SH2D1B: variants seen among roughly 807,000 people sequenced by gnomAD.
SH2D1B encodes SH2 domain-containing protein 1B.
A neutral mutation model predicts 16.3 loss-of-function variants in SH2D1B; 11 were observed. The observed-to-expected ratio is 0.67, with a 90% CI of 0.42 to 1.11. SH2D1B has a LOEUF of 1.11. Ranked by LOEUF, SH2D1B falls within the 50% of genes most tolerant of loss-of-function variation. The pLI is 0.00. For synonymous variants in SH2D1B, 55 were observed against 56.1 expected, an observed-to-expected ratio of 0.98 and a Z score of 0.09; for missense variants, 123 against 153.1, an observed-to-expected ratio of 0.80 and a Z score of 1.04.
chr1:162,405,810 G>C (rs1378643489), intron 1 of SH2D1B, among the ~76,000 whole-genome samples: 4 of 152,234 alleles, frequency 2.6e-5, no homozygotes, highest in African/African-American at 9.6e-5. Flanking sequence ...TCTTTGAATT[G>C]TTTTACTCTA....
intron 1 of SH2D1B, among the ~76,000 whole-genome samples, chr1:162,407,160 A>G (rs1648671447): frequency 6.6e-6 from 1 of 152,222 alleles, no homozygotes; most frequent in Admixed American, 6.5e-5. Context: ...TATCGGGGGA[A>G]CCAGCCCCCA....
At chr1:162,399,529 T>C (rs1225030011) in intron 2 of SH2D1B, among the ~76,000 whole-genome samples, 1 of 152,204 alleles carries the variant, frequency 6.6e-6, no homozygotes, top group African/African-American at 2.4e-5. Context: ...CAGGGGTACA[T>C]GTGCAGGATG....
Position 162,397,200 on chromosome 1 carries a change from G to C in SH2D1B, c.*80C>G. On this transcript the variant is annotated 3_prime_UTR_variant, in exon 4 of 4. Transcript: ENST00000367929. ...ATTGTCCACTAGAGTTTGGTGCTCT[G>C]GACCTATGCCTGCAGAAGTGGGTCA... is the stretch of plus-strand genomic sequence containing the variant. 1 of 1,500,122 alleles carries C rather than the reference G, an allele frequency of 6.7e-7. No homozygotes were observed. Among genetic ancestry groups the C allele is most frequent in the Admixed American group, 1.7e-5 (1 of 59,644 alleles). The allele number at this position is 1,500,122 out of a possible 1,614,324, so 92.9% of individuals were successfully genotyped here. A position where few individuals can be genotyped will look rare whatever the true frequency, so the allele number is the denominator to read the frequency against.
At chr1:162,399,264 T>C (rs150256305) in intron 2 of SH2D1B, among the ~76,000 whole-genome samples, 177 bp from the exon 3 acceptor site, 1 of 152,222 alleles carries the variant, frequency 6.6e-6, no homozygotes, top group East Asian at 1.9e-4. Context: ...AAGACCAACC[T>C]CTGACTTGAG....
At chr1:162,406,534 A>T (rs901482828) in intron 1 of SH2D1B, among the ~76,000 whole-genome samples, 6 of 152,192 alleles carry the variant, frequency 3.9e-5, no homozygotes, top group Admixed American at 3.9e-4. Context: ...CCAAAATATT[A>T]AAAATGGTGA....
intron 1 of SH2D1B, among the ~76,000 whole-genome samples, chr1:162,404,754 T>TTCA (rs1423426145): frequency 6.6e-6 from 1 of 152,234 alleles, no homozygotes; most frequent in East Asian, 1.9e-4. Context: ...GAGATACCAC[T>TTCA]ACACACTTAT....
chr1:162,407,999 C>T (rs1248461679), intron 1 of SH2D1B, among the ~76,000 whole-genome samples: 1 of 152,060 alleles, frequency 6.6e-6, no homozygotes, highest in Non-Finnish European at 1.5e-5. Flanking sequence ...TTTTTGCTGT[C>T]AGCTCTACAG....
At chr1:162,402,661 C>T (rs1648547440) in intron 2 of SH2D1B, 78 bp downstream of exon 2, 4 of 1,216,816 alleles carry the variant, frequency 3.3e-6, no homozygotes, top group Non-Finnish European at 4.9e-6. Flanking sequence ...ACAGTCATGG[C>T]TCAGGTAAAA....
chr1:162,409,657 C>A (rs1245981835), intron 1 of SH2D1B, among the ~76,000 whole-genome samples: 3 of 152,150 alleles, frequency 2.0e-5, no homozygotes, highest in Non-Finnish European at 2.9e-5. Context: ...CGGCTCACTG[C>A]AACCTCTGCC....
intron 1 of SH2D1B, among the ~76,000 whole-genome samples, chr1:162,411,244 C>T (rs1176824110): frequency 6.6e-6 from 1 of 152,188 alleles, no homozygotes; most frequent in Non-Finnish European, 1.5e-5. Context: ...GCATGAGCCA[C>T]CATGCCCAGC....
chr1:162,405,393 A>G (rs1350297404), intron 1 of SH2D1B, among the ~76,000 whole-genome samples: 1 of 152,244 alleles, frequency 6.6e-6, no homozygotes, highest in Non-Finnish European at 1.5e-5. Context: ...AAAATCCATC[A>G]AATTGTACAC....
At position 162,399,070 on chromosome 1, in the gene SH2D1B, T is replaced by C. The variant is rs973217122; in HGVS notation, c.216A>G (p.Pro72=). ...YYRIQTAEGS[P]KQVFPSLKEL... ...CCTTTAGGCTTGGAAAGACCTGTTT[T>C]GGAGAACCTTCTGCAGTCTGCAAAA... Residue 72 remains proline (P), a synonymous_variant, in exon 3 of 4, where the codon CCA becomes CCG. Coordinates refer to ENST00000367929, the MANE Select transcript of SH2D1B (RefSeq NM_053282.5). 3 of 1,612,474 alleles carry C rather than the reference T, an allele frequency of 1.9e-6. No individual in the cohort carries two copies. In the East Asian group the frequency reaches 6.7e-5, roughly 36 times the overall value.
intron 1 of SH2D1B, among the ~76,000 whole-genome samples, chr1:162,408,356 T>C (rs1429839293): frequency 6.6e-6 from 1 of 151,960 alleles, no homozygotes; most frequent in Non-Finnish European, 1.5e-5. Flanking sequence ...TAACAAATAT[T>C]TATTTTTGCC....
At chr1:162,407,238 G>A (rs1368123896) in intron 1 of SH2D1B, among the ~76,000 whole-genome samples, 1 of 152,180 alleles carries the variant, frequency 6.6e-6, no homozygotes, top group Non-Finnish European at 1.5e-5. Flanking sequence ...AAGGGAAAGA[G>A]TACAAAACAG....
chr1:162,402,649 GCA>G (rs1285251911), intron 2 of SH2D1B, 88 bp downstream of exon 2: 4 of 1,080,002 alleles, frequency 3.7e-6, no homozygotes, highest in Non-Finnish European at 4.2e-6. Context: ...GAATGCTTTC[GCA>G]CAGTCATGGC....
Position 162,411,802 on chromosome 1 carries a change from G to T in SH2D1B, c.134+81C>A, listed in dbSNP as rs1436564721. The T allele has an allele frequency of 5.1e-6, 8 of 1,568,446 alleles. No homozygotes were observed. In the African/African-American group the frequency reaches 5.4e-5, roughly 11 times the overall value. ...CCAAAGTCAGAGTGAAATACTGAGG[G>T]ATATGAATTCCTGTACTGTGTGGCA... On this transcript the variant is annotated intron_variant, in intron 1 of 3. Coordinates refer to ENST00000367929, the MANE Select transcript of SH2D1B (RefSeq NM_053282.5).
intron 3 of SH2D1B, among the ~76,000 whole-genome samples, chr1:162,398,618 C>G (rs926576142): frequency 6.6e-6 from 1 of 152,116 alleles, no homozygotes; most frequent in Non-Finnish European, 1.5e-5. Context: ...GAAAATCTGC[C>G]CATTTGCCCA....
At chr1:162,410,875 C>T (rs1316114569) in intron 1 of SH2D1B, among the ~76,000 whole-genome samples, 8 of 151,788 alleles carry the variant, frequency 5.3e-5, no homozygotes, top group Middle Eastern at 3.4e-3. Flanking sequence ...AGGCTGGTCT[C>T]GAACTCCCGA....
chr1:162,411,984 G>C lies in SH2D1B; in HGVS notation c.33C>G (p.Thr11=), dbSNP rs142252768. 6.2e-7 allele frequency: 1 copy of C among 1,614,128 alleles called. No individual in the cohort carries two copies. The highest frequency in any genetic ancestry group is 8.5e-7 in the Non-Finnish European group (1 of 1,180,018). Residue 11 remains threonine (T), a synonymous_variant, in exon 1 of 4, where the codon ACC becomes ACG. Transcript: ENST00000367929. ...GCAGCAAGGTCTCACAGTCTTGCTT[G>C]GTCAGACGTCCATGGTAGTAAGGCA... MDLPYYHGRL[T]KQDCETLLLK... is the part of the protein sequence containing the mutation.
Sources: gnomAD v4.1 joint callset for allele counts (sites outside exome capture counted in the v4.1 genomes callset) on GRCh38, gnomAD v4.1.1 for gene constraint, MANE v1.5 for transcripts, NCBI Gene and HGNC (gene_info 2026-07-23, HGNC 2026-07-21) for gene names.